The following VAMP7 variants were observed in gnomAD, a reference collection of about 807,000 sequenced individuals.
VAMP7 encodes vesicle associated membrane protein 7, also known as vesicle-associated membrane protein 7.
In VAMP7, 14 loss-of-function variants were observed where a neutral mutation model predicts 29.6. The observed-to-expected ratio is 0.47, with a 90% CI of 0.31 to 0.74. VAMP7 has a LOEUF of 0.74. Among genes scored for constraint, VAMP7 ranks in the 30% least tolerant of loss-of-function variants. The pLI is 0.05. For synonymous variants in VAMP7, 95 were observed against 88.1 expected, an observed-to-expected ratio of 1.08 and a Z score of -0.44; for missense variants, 223 against 262.4, an observed-to-expected ratio of 0.85 and a Z score of 1.04.
In VAMP7 at chrX:155,881,389, C is replaced by G. The variant is rs1048582416; in HGVS notation, c.-69C>G. 3 of 152,346 alleles carry G rather than the reference C, an allele frequency of 2.0e-5. No homozygotes were observed. The highest frequency in any genetic ancestry group is 1.9e-4 in the East Asian group (1 of 5,206). 9.4% of individuals were successfully genotyped at this position (152,346 alleles called of 1,614,324 possible). A position where few individuals can be genotyped will look rare whatever the true frequency, so the allele number is the denominator to read the frequency against. On this transcript the variant is annotated 5_prime_UTR_variant, in exon 1 of 8. Transcript: ENST00000286448. Reference sequence around the variant, plus strand: ...CTCTGGGAGCGGGCAGTTGGCGACCCTGCACTGACCCGCGTCCCTCCGTCC... The same window carrying G: ...CTCTGGGAGCGGGCAGTTGGCGACCGTGCACTGACCCGCGTCCCTCCGTCC...
chrX:155,933,833 A>T (rs2066604355), intron 6 of VAMP7, among the ~76,000 whole-genome samples: 1 of 152,122 alleles, frequency 6.6e-6, no homozygotes, highest in African/African-American at 2.4e-5. Flanking sequence ...TTTTGTGGGC[A>T]TTTAGTGCTA....
intron 6 of VAMP7, among the ~76,000 whole-genome samples, chrX:155,927,594 T>A (rs1220699347): frequency 6.6e-6 from 1 of 151,870 alleles, no homozygotes; most frequent in African/African-American, 2.4e-5. Context: ...CCTGCAGTTC[T>A]GTTTCAGTGT....
At chrX:155,922,702 C>T (rs2066413303) in intron 6 of VAMP7, among the ~76,000 whole-genome samples, 2 of 151,896 alleles carry the variant, frequency 1.3e-5, no homozygotes, top group Admixed American at 1.3e-4. Context: ...ATATGCTGGC[C>T]TCATTAAACA....
chrX:155,932,667 T>C (rs201051749), intron 6 of VAMP7, among the ~76,000 whole-genome samples: 3 of 152,130 alleles, frequency 2.0e-5, no homozygotes, highest in Non-Finnish European at 4.4e-5. Context: ...GACAATTTGA[T>C]TTCCTCTTTT....
rs766235920 is a variant in VAMP7, at chrX:155,891,877, A to G, written c.146+2265A>G. 1.7e-3 allele frequency among the ~76,000 whole-genome samples: 259 copies of G among 152,286 alleles called. 1 individual carries two copies. The highest frequency in any genetic ancestry group is 6.0e-3 in the African/African-American group (249 of 41,562). On this transcript the variant is annotated intron_variant, in intron 2 of 7. Transcript: ENST00000286448. ...GGGCCTAGAGGTTAGGGGTTAAATA[A>G]TCTTAGCTTCTTATGATTTTGGCTT...
intron 6 of VAMP7, among the ~76,000 whole-genome samples, chrX:155,926,342 C>G (rs2066466612): frequency 6.6e-6 from 1 of 152,184 alleles, no homozygotes; most frequent in African/African-American, 2.4e-5. Context: ...GCTAGGTCTC[C>G]TGGATAACTT....
At chrX:155,912,163 T>C (rs777638454) in intron 5 of VAMP7, among the ~76,000 whole-genome samples, 2 of 152,280 alleles carry the variant, frequency 1.3e-5, no homozygotes, top group African/African-American at 4.8e-5. Context: ...ATTCCTTCTA[T>C]GCCTAGTTTT....
intron 5 of VAMP7, among the ~76,000 whole-genome samples, chrX:155,901,440 TAA>T (rs1390964432): frequency 4.6e-5 from 7 of 152,042 alleles, no homozygotes; most frequent in Non-Finnish European, 1.5e-5. Flanking sequence ...TGCAGATGCA[TAA>T]AGTTTCCAGA....
chrX:155,911,664 C>A (rs375354008), intron 5 of VAMP7, among the ~76,000 whole-genome samples: 60 of 152,126 alleles, frequency 3.9e-4, no homozygotes, highest in African/African-American at 1.4e-3. Context: ...AGGAGTCTTT[C>A]ACCTACTCGT....
At chrX:155,887,663 T>C (rs1428689337) in intron 1 of VAMP7, among the ~76,000 whole-genome samples, 2 of 152,036 alleles carry the variant, frequency 1.3e-5, no homozygotes, top group African/African-American at 4.8e-5. Flanking sequence ...GTACGGTGGC[T>C]CATGCCTGTA....
intron 1 of VAMP7, among the ~76,000 whole-genome samples, chrX:155,886,852 A>T (rs1266728870): frequency 6.6e-6 from 1 of 152,196 alleles, no homozygotes; most frequent in Non-Finnish European, 1.5e-5. Context: ...TTCATAATGA[A>T]CTTACAGTCC....
At chrX:155,895,041 T>A (rs1201860412) in intron 2 of VAMP7, among the ~76,000 whole-genome samples, 1 of 152,190 alleles carries the variant, frequency 6.6e-6, no homozygotes, top group East Asian at 1.9e-4. Context: ...GCCTCATCTA[T>A]TAATGTGTCC....
At chrX:155,917,186 T>C (rs1398807243) in intron 5 of VAMP7, among the ~76,000 whole-genome samples, 1 of 152,218 alleles carries the variant, frequency 6.6e-6, no homozygotes, top group East Asian at 1.9e-4. Context: ...AAAGTTCTCG[T>C]GCCGTGTTTT....
chrX:155,907,225 CTG>C (rs1213896912), intron 5 of VAMP7, among the ~76,000 whole-genome samples: 1 of 151,328 alleles, frequency 6.6e-6, no homozygotes, highest in Non-Finnish European at 1.5e-5. Context: ...TGTTAAATGT[CTG>C]TATTTTTAAG....
chrX:155,938,525 A>T (rs1450441320), intron 6 of VAMP7, among the ~76,000 whole-genome samples: 1 of 152,212 alleles, frequency 6.6e-6, no homozygotes, highest in African/African-American at 2.4e-5. Flanking sequence ...AAGTAAACAT[A>T]CCATGTAGAA....
At chrX:155,934,328 G>A (rs1408406932) in intron 6 of VAMP7, among the ~76,000 whole-genome samples, 2 of 152,168 alleles carry the variant, frequency 1.3e-5, no homozygotes, top group Middle Eastern at 6.8e-3. Flanking sequence ...TTATTGTATG[G>A]GAGTCTAAGT....
intron 6 of VAMP7, among the ~76,000 whole-genome samples, chrX:155,922,068 G>A (rs935423095): frequency 1.3e-5 from 2 of 151,828 alleles, no homozygotes; most frequent in Non-Finnish European, 2.9e-5. Context: ...CTTTTGTATT[G>A]TGTAACAAAT....
At chrX:155,929,923 T>C (rs938226507) in intron 6 of VAMP7, among the ~76,000 whole-genome samples, 5 of 152,272 alleles carry the variant, frequency 3.3e-5, no homozygotes, top group African/African-American at 1.2e-4. Flanking sequence ...ATTAGAAGGA[T>C]TTATAATACT....
chrX:155,931,001 G>T (rs1201387503), intron 6 of VAMP7, among the ~76,000 whole-genome samples: 1 of 152,000 alleles, frequency 6.6e-6, no homozygotes, highest in Non-Finnish European at 1.5e-5. Context: ...GAGAATGATG[G>T]TTTCCAGCTT....
Sources: allele counts gnomAD v4.1 joint callset (sites outside exome capture counted in the v4.1 genomes callset), GRCh38; gene constraint gnomAD v4.1.1; transcripts MANE v1.5; gene names NCBI Gene and HGNC (gene_info 2026-07-23, HGNC 2026-07-21).